The following COL4A1 variants were observed in gnomAD, a reference collection of about 807,000 sequenced individuals.
COL4A1 encodes the protein collagen alpha-1(IV) chain.
A neutral mutation model predicts 216.6 loss-of-function variants in COL4A1; 40 were observed. That is an observed-to-expected ratio of 0.18 (90% CI 0.14 to 0.24). The LOEUF (loss-of-function observed/expected upper bound fraction) is 0.24, where lower values mean the gene tolerates loss of function less well. Ranked by LOEUF, COL4A1 falls within the 10% of genes least tolerant of loss-of-function variation. The probability of loss-of-function intolerance (pLI) is 1.00; values close to 1 mark genes in which losing one functional copy is unlikely to be tolerated. For missense variants in COL4A1, 1,628 were observed against 2,196.8 expected, an observed-to-expected ratio of 0.74 and a Z score of 5.18; for synonymous variants, 839 against 810.7, an observed-to-expected ratio of 1.03 and a Z score of -0.59.
At chr13:110,151,697 G>A (rs1012395287) in intron 51 of COL4A1, among the ~76,000 whole-genome samples, 4 of 152,182 alleles carry the variant, frequency 2.6e-5, no homozygotes, top group South Asian at 2.1e-4. Flanking sequence ...TGGCTCCAGC[G>A]GGGCTGCAGC....
At chr13:110,159,006 G>A (rs559000657) in intron 49 of COL4A1, among the ~76,000 whole-genome samples, 1 of 152,314 alleles carries the variant, frequency 6.6e-6, no homozygotes, top group African/African-American at 2.4e-5. Flanking sequence ...GCCTCCCAAA[G>A]TGCTGGGATT....
chr13:110,279,824 G>T (rs973570514), intron 1 of COL4A1, among the ~76,000 whole-genome samples: 2 of 152,190 alleles, frequency 1.3e-5, no homozygotes, highest in African/African-American at 2.4e-5. Flanking sequence ...TATTCAGTGA[G>T]TCCCTTCTGC....
intron 49 of COL4A1, 98 bp from the exon 50 acceptor site, chr13:110,155,495 G>T: frequency 1.3e-6 from 1 of 775,524 alleles, no homozygotes; most frequent in Non-Finnish European, 2.3e-6. Context: ...TCCTCACTCA[G>T]TCTTTCTGGT....
chr13:110,263,037 A>G (rs1269233669), intron 1 of COL4A1, among the ~76,000 whole-genome samples: 3 of 152,370 alleles, frequency 2.0e-5, no homozygotes, highest in East Asian at 3.9e-4. Flanking sequence ...TCTCCAGAGC[A>G]GGCAGGTAGG....
intron 13 of COL4A1, 92 bp from the exon 14 acceptor site, chr13:110,206,983 C>CT: frequency 5.4e-6 from 7 of 1,300,926 alleles, no homozygotes; most frequent in Non-Finnish European, 7.7e-6. Flanking sequence ...AAAAAAAAAC[C>CT]TTTTTCTGAT....
At chr13:110,158,033 T>TA (rs1179583104) in intron 49 of COL4A1, among the ~76,000 whole-genome samples, 1 of 152,222 alleles carries the variant, frequency 6.6e-6, no homozygotes, top group East Asian at 1.9e-4. Context: ...TAAAAGAAGC[T>TA]AAAAAAAGAA....
chr13:110,250,277 T>C (rs1387121525), intron 1 of COL4A1, among the ~76,000 whole-genome samples: 1 of 152,042 alleles, frequency 6.6e-6, no homozygotes, highest in African/African-American at 2.4e-5. Flanking sequence ...CTCTGTGCTG[T>C]AGTATGACTA....
chr13:110,182,213 G>A (rs1005948460), intron 28 of COL4A1, among the ~76,000 whole-genome samples: 6 of 152,202 alleles, frequency 3.9e-5, no homozygotes, highest in Admixed American at 2.6e-4. Context: ...CGTGGTGTGG[G>A]TGGGCGTTGC....
Position 110,211,831 on chromosome 13 carries a change from AAAAG to A in COL4A1, c.441+34_441+37del. ...GAATGAAAAGAGAGAAGTCATAACT[AAAAG>A]AAAGAAGTTCTGCCCTAAATAACCT... is the stretch of plus-strand genomic sequence containing the variant. On this transcript the variant is annotated intron_variant, in intron 7 of 51. Coordinates refer to ENST00000375820, the MANE Select transcript of COL4A1 (RefSeq NM_001845.6). This position sits in a 1 kb window ranked among gnomAD's most constrained non-coding sequence, Gnocchi z 4.3. 5 of 1,609,474 alleles carry A rather than the reference AAAAG, an allele frequency of 3.1e-6. No homozygotes were observed. The highest frequency in any genetic ancestry group is 4.3e-6 in the Non-Finnish European group (5 of 1,176,160).
chr13:110,210,070 C>A, intron 9 of COL4A1, 28 bp from the exon 10 acceptor site: 1 of 1,613,978 alleles, frequency 6.2e-7, no homozygotes, highest in Non-Finnish European at 8.5e-7. Flanking sequence ...GAAATGAGTT[C>A]AGATGCGAAC....
chr13:110,174,532 G>GA lies in COL4A1; in HGVS notation c.3326-7dup, dbSNP rs139122216. The GA allele has an allele frequency of 3.1e-3, 5,043 of 1,613,980 alleles. 22 individuals carry two copies. The highest frequency in any genetic ancestry group is 3.7e-3 in the Non-Finnish European group (4,362 of 1,179,986). On this transcript the variant is annotated splice_polypyrimidine_tract_variant and splice_region_variant and intron_variant, in intron 38 of 51. Transcript: ENST00000375820. ...TCCAGGTAGCCCAGGACTTCCTAAA[G>GA]AAAAAAACAAAACACCAGAACATCC...
chr13:110,181,487 C>A, intron 28 of COL4A1, 98 bp from the exon 29 acceptor site: 2 of 1,237,360 alleles, frequency 1.6e-6, no homozygotes. Flanking sequence ...CCAGAGATGC[C>A]GACCTGATCT....
At chr13:110,241,751 C>T (rs1881578376) in intron 2 of COL4A1, among the ~76,000 whole-genome samples, 1 of 152,106 alleles carries the variant, frequency 6.6e-6, no homozygotes, top group African/African-American at 2.4e-5. Flanking sequence ...AAAAAGAAAC[C>T]ACAGAATTTT....
intron 2 of COL4A1, among the ~76,000 whole-genome samples, chr13:110,222,762 G>T: frequency 1.2e-5 from 1 of 84,068 alleles, no homozygotes; most frequent in East Asian, 5.3e-4. Context: ...GACAGAGCCA[G>T]ACTCTGCTTT....
At chr13:110,198,790 G>T (rs937423333) in intron 20 of COL4A1, among the ~76,000 whole-genome samples, 159 bp from the exon 21 acceptor site, 1 of 152,244 alleles carries the variant, frequency 6.6e-6, no homozygotes, top group Non-Finnish European at 1.5e-5. Context: ...GCTGGCAGGT[G>T]TCTTGCCATT....
chr13:110,276,138 G>A (rs931507071), intron 1 of COL4A1, among the ~76,000 whole-genome samples: 1 of 152,036 alleles, frequency 6.6e-6, no homozygotes, highest in African/African-American at 2.4e-5. Context: ...TAGAGATCAT[G>A]GGAGAGGCCA....
At chr13:110,185,325 T>A (rs1878350909) in intron 26 of COL4A1, among the ~76,000 whole-genome samples, 1 of 151,928 alleles carries the variant, frequency 6.6e-6, no homozygotes, top group Non-Finnish European at 1.5e-5. Flanking sequence ...TTTGTATTTT[T>A]AGTAGAGATG....
At chr13:110,189,305 C>T (rs1159134663) in intron 24 of COL4A1, among the ~76,000 whole-genome samples, 12 of 152,198 alleles carry the variant, frequency 7.9e-5, no homozygotes, top group African/African-American at 2.2e-4. Flanking sequence ...TCAGGTGATC[C>T]GCCCGCCTCG....
At chr13:110,292,116 G>C (rs1261258290) in intron 1 of COL4A1, among the ~76,000 whole-genome samples, 8 of 152,160 alleles carry the variant, frequency 5.3e-5, no homozygotes, top group African/African-American at 1.9e-4. Context: ...GCCGCTGAGA[G>C]CCAAAGCTTT....
Sources: gnomAD v4.1 joint callset for allele counts (sites outside exome capture counted in the v4.1 genomes callset) on GRCh38, gnomAD v4.1.1 for gene constraint, Gnocchi (gnomAD v3.1) non-coding constraint, MANE v1.5 for transcripts, NCBI Gene and HGNC (gene_info 2026-07-23, HGNC 2026-07-21) for gene names.